AKAP13: variants seen among roughly 807,000 people sequenced by gnomAD.
AKAP13 encodes the protein A-kinase anchoring protein 13.
A neutral mutation model predicts 264.5 loss-of-function variants in AKAP13; 80 were observed. That is an observed-to-expected ratio of 0.30 (90% CI 0.25 to 0.36). The LOEUF (loss-of-function observed/expected upper bound fraction) is 0.36, where lower values mean the gene tolerates loss of function less well. Ranked by LOEUF, AKAP13 falls within the 10% of genes least tolerant of loss-of-function variation. The pLI, the probability that AKAP13 is intolerant of heterozygous loss-of-function variation, is 1.00. For missense variants in AKAP13, 3,712 were observed against 3,435.2 expected, an observed-to-expected ratio of 1.08 and a Z score of -2.01; for synonymous variants, 1,380 against 1,250.2, an observed-to-expected ratio of 1.10 and a Z score of -2.19.
At chr15:85,630,268 A>ACAC (rs1392263680) in intron 8 of AKAP13, among the ~76,000 whole-genome samples, 2 of 23,872 alleles carry the variant, frequency 8.4e-5, no homozygotes, top group African/African-American at 2.6e-4. Flanking sequence ...CACACACACA[A>ACAC]ACACAATGAA....
chr15:85,677,890 C>T (rs1326257036), intron 14 of AKAP13, among the ~76,000 whole-genome samples: 4 of 152,044 alleles, frequency 2.6e-5, no homozygotes, highest in African/African-American at 7.2e-5. Flanking sequence ...CCTCATGATC[C>T]GCCTGCCTCG....
chr15:85,720,338 T>C (rs551269639), intron 23 of AKAP13, among the ~76,000 whole-genome samples: 6 of 152,036 alleles, frequency 3.9e-5, no homozygotes, highest in Admixed American at 3.3e-4. Context: ...AAGGATCTCA[T>C]GTGTCTAAAA....
intron 8 of AKAP13, chr15:85,619,569 C>CAG (rs1341131156): frequency 1.0e-6 from 1 of 985,246 alleles, no homozygotes; most frequent in East Asian, 1.1e-4. Context: ...TAAGCAAGAA[C>CAG]AGAATCTAAT....
At chr15:85,700,705 C>T (rs1321443943) in intron 17 of AKAP13, among the ~76,000 whole-genome samples, 2 of 152,120 alleles carry the variant, frequency 1.3e-5, no homozygotes, top group Non-Finnish European at 2.9e-5. Context: ...AGGTATAATT[C>T]CCAAATTTTA....
Position 85,581,047 on chromosome 15 carries a change from A to C in AKAP13, c.2979A>C (p.Ala993=), listed in dbSNP as rs962294865. 2 of 1,613,874 alleles carry C rather than the reference A, an allele frequency of 1.2e-6. No individual in the cohort carries two copies. The highest frequency in any genetic ancestry group is 2.7e-5 in the African/African-American group (2 of 74,938). ...GTGCATCCTCTGCCTTTCTTAAGGC[A>C]GAAACTGAACATAACAAGGAAGTGG... is the stretch of plus-strand genomic sequence containing the variant. ...SPGASSAFLK[A]ETEHNKEVAP... The change falls in exon 7 of 37, where the codon GCA becomes GCC. Residue 993 remains alanine, a synonymous_variant. Transcript: ENST00000394518.
rs146970547 is a variant in AKAP13 at position 85,628,787 on chromosome 15, A to G, written c.4162-10587A>G. Reference sequence around the variant, plus strand: ...CTAAATATTTTTGTCTAAATCAACAATGACTGTTTTCCAATAAATCTTTCT... The same window carrying G: ...CTAAATATTTTTGTCTAAATCAACAGTGACTGTTTTCCAATAAATCTTTCT... On this transcript the variant is annotated intron_variant, in intron 8 of 36. Transcript: ENST00000394518. 2.0e-4 allele frequency among the ~76,000 whole-genome samples: 31 copies of G among 152,330 alleles called. No homozygotes were observed. The East Asian group carries it at 4.8e-3, about 24-fold the overall frequency.
intron 8 of AKAP13, among the ~76,000 whole-genome samples, chr15:85,634,142 T>C (rs1360029693): frequency 6.6e-6 from 1 of 152,176 alleles, no homozygotes; most frequent in Non-Finnish European, 1.5e-5. Flanking sequence ...ACAGAGCAAA[T>C]GATAAAGTGT....
chr15:85,663,756 GTC>G (rs1168478046), intron 12 of AKAP13, among the ~76,000 whole-genome samples: 3 of 152,234 alleles, frequency 2.0e-5, no homozygotes, highest in African/African-American at 7.2e-5. Context: ...TCGCTAACCT[GTC>G]TCTGTAGCCT....
intron 30 of AKAP13, among the ~76,000 whole-genome samples, chr15:85,731,987 G>A (rs1567219621): frequency 6.6e-6 from 1 of 151,618 alleles, no homozygotes; most frequent in Non-Finnish European, 1.5e-5. Flanking sequence ...GGAGGCTGAG[G>A]CAGGAGAATC....
At position 85,735,014 on chromosome 15, in the gene AKAP13, G is replaced by T; in HGVS notation, c.7305G>T (p.Val2435=). The change falls in exon 31 of 37, where the codon GTG becomes GTT. Residue 2435 remains valine (V), a synonymous_variant. Coordinates refer to ENST00000394518, the MANE Select transcript of AKAP13 (RefSeq NM_007200.5). ...INEVEILQGL[V]SGNLGGTLGP... is the part of the protein sequence containing the mutation. ...CAGTGGAGATCCTTCAGGGTTTGGT[G>T]AGTGGAAATCTGGGAGGCACACTTG... The T allele has an allele frequency of 6.2e-7, 1 of 1,614,092 alleles. No individual in the cohort carries two copies. Among genetic ancestry groups the T allele is most frequent in the South Asian group, 1.1e-5 (1 of 91,064 alleles).
chr15:85,478,652 C>G (rs969676790), intron 1 of AKAP13, among the ~76,000 whole-genome samples: 5 of 152,102 alleles, frequency 3.3e-5, no homozygotes, highest in African/African-American at 1.2e-4. Context: ...GAATGTTACC[C>G]TGTGTTAGAC....
intron 17 of AKAP13, among the ~76,000 whole-genome samples, chr15:85,698,085 T>C (rs973802212): frequency 2.0e-5 from 3 of 152,210 alleles, no homozygotes; most frequent in Non-Finnish European, 4.4e-5. Context: ...CTTGTTTATA[T>C]TCTGGAAAAA....
chr15:85,398,771 G>A (rs1191889193), intron 1 of AKAP13, among the ~76,000 whole-genome samples: 1 of 152,160 alleles, frequency 6.6e-6, no homozygotes, highest in East Asian at 1.9e-4. Context: ...GGCCAGGCTG[G>A]TCTTGAACTC....
intron 1 of AKAP13, among the ~76,000 whole-genome samples, chr15:85,413,215 C>G (rs983046328): frequency 2.0e-5 from 3 of 152,142 alleles, no homozygotes; most frequent in Non-Finnish European, 4.4e-5. Flanking sequence ...TCTTTTTATC[C>G]CAGGTCACGT....
intron 1 of AKAP13, among the ~76,000 whole-genome samples, chr15:85,444,044 T>C (rs1049066629): frequency 2.6e-5 from 4 of 152,168 alleles, no homozygotes; most frequent in African/African-American, 9.7e-5. Context: ...GGAATTTTTA[T>C]CCTAGTGATT....
At position 85,727,545 on chromosome 15, in the gene AKAP13, G is replaced by A; in HGVS notation, c.7087+82G>A. 1 of 1,514,692 alleles carries A rather than the reference G, an allele frequency of 6.6e-7. No homozygotes were observed. Among genetic ancestry groups the A allele is most frequent in the Non-Finnish European group, 9.1e-7 (1 of 1,099,234 alleles). 93.8% of individuals were successfully genotyped at this position (1,514,692 alleles called of 1,614,324 possible). A position where few individuals can be genotyped will look rare whatever the true frequency, so the allele number is the denominator to read the frequency against. Reference sequence around the variant, plus strand: ...ACTGCTGGTGGATTTTAGAGGTACGGGTTTGCCCTCAGTTCTAAAGCTGCC... The same window carrying A: ...ACTGCTGGTGGATTTTAGAGGTACGAGTTTGCCCTCAGTTCTAAAGCTGCC... On this transcript the variant is annotated intron_variant, in intron 29 of 36. Transcript: ENST00000394518. This position sits in a 1 kb window ranked among gnomAD's most constrained non-coding sequence, Gnocchi z 5.3.
At chr15:85,414,677 C>T (rs144705876) in intron 1 of AKAP13, among the ~76,000 whole-genome samples, 1 of 152,268 alleles carries the variant, frequency 6.6e-6, no homozygotes, top group East Asian at 1.9e-4. Flanking sequence ...TGTTAGAGTG[C>T]CTTCTCCTGG....
At chr15:85,545,401 T>G (rs1170901975) in intron 5 of AKAP13, among the ~76,000 whole-genome samples, 1 of 152,258 alleles carries the variant, frequency 6.6e-6, no homozygotes, top group Non-Finnish European at 1.5e-5. Context: ...CATTATATCC[T>G]TGGAGGGGAT....
chr15:85,745,531 C>T lies in AKAP13; in HGVS notation c.*854C>T, dbSNP rs1403187114. On this transcript the variant is annotated 3_prime_UTR_variant, in exon 37 of 37. Coordinates refer to ENST00000394518, the MANE Select transcript of AKAP13 (RefSeq NM_007200.5). ...GGATAAAGTGAAGAGGCCTACTCAC[C>T]ATTATCCCTGCAGCGTGACACCTTT... is the stretch of plus-strand genomic sequence containing the variant. 1 of 152,216 alleles carries T rather than the reference C, an allele frequency of 6.6e-6. No homozygotes were observed. The highest frequency in any genetic ancestry group is 2.4e-5 in the African/African-American group (1 of 41,442). 9.4% of individuals were successfully genotyped at this position (152,216 alleles called of 1,614,324 possible). A position where few individuals can be genotyped will look rare whatever the true frequency, so the allele number is the denominator to read the frequency against.
Sources: allele counts gnomAD v4.1 joint callset (sites outside exome capture counted in the v4.1 genomes callset), GRCh38; gene constraint gnomAD v4.1.1; non-coding constraint Gnocchi (gnomAD v3.1); transcripts MANE v1.5; gene names NCBI Gene and HGNC (gene_info 2026-07-23, HGNC 2026-07-21).